RABEPK: variants seen among roughly 807,000 people sequenced by gnomAD.
RABEPK encodes the protein Rab9 effector protein with kelch motifs.
A neutral mutation model predicts 34.1 loss-of-function variants in RABEPK; 27 were observed. That is an observed-to-expected ratio of 0.79 (90% CI 0.58 to 1.09). The LOEUF is 1.09. RABEPK is among the 50% of genes least tolerant of loss of function. RABEPK has a pLI of 0.00. For synonymous variants in RABEPK, 172 were observed against 169.2 expected (o/e 1.02, Z -0.13); for missense variants, 449 against 462.6 (o/e 0.97, Z 0.27).
intron 4 of RABEPK, among the ~76,000 whole-genome samples, chr9:125,215,639 C>T (rs535581651): frequency 6.6e-6 from 1 of 152,084 alleles, no homozygotes; most frequent in African/African-American, 2.4e-5. Context: ...CTGTATCATA[C>T]TCCATTATAT....
At position 125,232,728 on chromosome 9, in the gene RABEPK, T is replaced by C. The variant is rs774273357; in HGVS notation, c.809T>C (p.Met270Thr). 3 of 1,613,754 alleles carry C rather than the reference T, an allele frequency of 1.9e-6. No homozygotes were observed. The highest frequency in any genetic ancestry group is 1.1e-5 in the South Asian group (1 of 90,966). The part of the protein sequence containing the change: ...GMTPAGALDT[M>T]YQYHTEEQHW... ...ACTCCTGCAGGAGCACTGGACACAA[T>C]GTACCAGTATCACACAGGTGAGCAG... The change falls in exon 7 of 8, where the codon ATG becomes ACG. Residue 270 changes from methionine to threonine, a missense_variant. By Grantham distance (81) the Met-to-Thr change is moderately conservative (BLOSUM62 -1). Coordinates refer to ENST00000373538, the MANE Select transcript of RABEPK (RefSeq NM_005833.4).
rs1266659256 is a variant in RABEPK, at chr9:125,233,844, C to A, written c.983C>A (p.Ser328Ter). Residue 328 changes from serine (S) to a stop codon, truncating the protein, a stop_gained, in exon 8 of 8, where the codon TCA becomes TAA. Coordinates refer to ENST00000373538, the MANE Select transcript of RABEPK (RefSeq NM_005833.4). LOFTEE classifies it high-confidence loss of function. ...AACCATGAAGCTGAGAAAGAGGATT[C>A]AGCTGACAAAGTAATGAGCCACAGT... ...TLNHEAEKED[S>*]ADKVMSHSGD... is the part of the protein sequence containing the mutation. 1.2e-6 allele frequency: 2 copies of A among 1,614,142 alleles called. No homozygotes were observed. Among genetic ancestry groups the A allele is most frequent in the Middle Eastern group, 1.6e-4 (1 of 6,062 alleles).
chr9:125,233,732 C>A lies in RABEPK; in HGVS notation c.871C>A (p.Pro291Thr), dbSNP rs374695052. The A allele has an allele frequency of 3.1e-6, 5 of 1,614,106 alleles. No individual in the cohort carries two copies. The highest frequency in any genetic ancestry group is 2.2e-5 in the East Asian group (1 of 44,876). Residue 291 changes from proline (P) to threonine (T), a missense_variant, in exon 8 of 8, where the codon CCT becomes ACT. Coordinates refer to ENST00000373538, the MANE Select transcript of RABEPK (RefSeq NM_005833.4). ...TLLKFDTLLP[P>T]GRLDHSMCII... ...GCTTAAATTTGATACTCTTCTACCC[C>A]CTGGACGATTGGACCATTCCATGTG...
At position 125,213,419 on chromosome 9, in the gene RABEPK, T is replaced by C. The variant is rs1237772748; in HGVS notation, c.261T>C (p.Tyr87=). 6.2e-7 allele frequency: 1 copy of C among 1,614,098 alleles called. No homozygotes were observed. Among genetic ancestry groups the C allele is most frequent in the South Asian group, 1.1e-5 (1 of 91,066 alleles). ...LDTCKGLLPR[Y]EHASFIPSCT... is the part of the protein sequence containing the mutation. ...CCTGCAAGGGCCTCTTGCCCCGGTA[T>C]GAACATGCTAGCTTCATTCCCTCCT... Residue 87 remains tyrosine, a synonymous_variant, in exon 4 of 8, where the codon TAT becomes TAC. Coordinates refer to ENST00000373538, the MANE Select transcript of RABEPK (RefSeq NM_005833.4).
intron 5 of RABEPK, 96 bp from the exon 6 acceptor site, chr9:125,227,814 T>C: frequency 8.0e-7 from 1 of 1,248,502 alleles, no homozygotes; most frequent in Non-Finnish European, 1.1e-6. Flanking sequence ...ATGGGACAGC[T>C]CCGCTTGCTA....
intron 1 of RABEPK, among the ~76,000 whole-genome samples, chr9:125,201,787 T>C (rs1012456719): frequency 4.0e-5 from 6 of 151,882 alleles, no homozygotes; most frequent in African/African-American, 1.4e-4. Flanking sequence ...CTAATTTTTT[T>C]TGTATTTTTA....
In RABEPK at chr9:125,231,929, C is replaced by T. The variant is rs537575096; in HGVS notation, c.677-667C>T. Among the ~76,000 whole-genome samples, 62 of 124,246 alleles carry T rather than the reference C, an allele frequency of 5.0e-4. 1 individual carries two copies. Among genetic ancestry groups the T allele is most frequent in the African/African-American group, 1.5e-3 (51 of 32,912 alleles). The allele number at this position is 124,246 out of a possible 152,430, so 81.5% of individuals were successfully genotyped here. ...TTTTTTTTTTTTTGAGACGGAGCTT[C>T]GCTCTTGTTGCCCAGGCTGGAGTGC... On this transcript the variant is annotated intron_variant, in intron 6 of 7. Coordinates refer to ENST00000373538, the MANE Select transcript of RABEPK (RefSeq NM_005833.4).
intron 4 of RABEPK, among the ~76,000 whole-genome samples, chr9:125,219,553 C>G (rs1244288952): frequency 2.7e-5 from 4 of 150,478 alleles, no homozygotes; most frequent in Non-Finnish European, 5.9e-5. Flanking sequence ...ACCACGACAC[C>G]TGGCTTTATT....
At position 125,212,280 on chromosome 9, in the gene RABEPK, C is replaced by T. The variant is rs192661698; in HGVS notation, c.212-1090C>T. 3.3e-5 allele frequency among the ~76,000 whole-genome samples: 5 copies of T among 152,194 alleles called. No individual in the cohort carries two copies. The South Asian group carries it at 8.3e-4, about 25-fold the overall frequency. On this transcript the variant is annotated intron_variant, in intron 3 of 7. Coordinates refer to ENST00000373538, the MANE Select transcript of RABEPK (RefSeq NM_005833.4). ...TCTTACTGTGTCACCCAGGCTGGAG[C>T]GCAATCTCAGCTCACTGCAAGCTCC... is the stretch of plus-strand genomic sequence containing the variant.
intron 5 of RABEPK, among the ~76,000 whole-genome samples, chr9:125,223,301 T>A (rs1831488378): frequency 6.6e-6 from 1 of 150,738 alleles, no homozygotes; most frequent in Non-Finnish European, 1.5e-5. Context: ...TAGCTGGACG[T>A]GGTGGCAGGT....
chr9:125,211,830 A>G (rs563360916), intron 3 of RABEPK, among the ~76,000 whole-genome samples: 12 of 152,308 alleles, frequency 7.9e-5, no homozygotes, highest in African/African-American at 2.2e-4. Flanking sequence ...TTAGCCAGGC[A>G]TAGTAGCTCA....
rs547953826 is a variant in RABEPK at position 125,211,757 on chromosome 9, C to T, written c.212-1613C>T. 1.7e-4 allele frequency among the ~76,000 whole-genome samples: 26 copies of T among 152,186 alleles called. No individual in the cohort carries two copies. The East Asian group carries it at 5.1e-3, about 30-fold the overall frequency. ...CCAAGGCGGGTGGGTCACTTGAGGT[C>T]AGGAGTTTGAGGCCAGCCCGGCCAA... On this transcript the variant is annotated intron_variant, in intron 3 of 7. Coordinates refer to ENST00000373538, the MANE Select transcript of RABEPK (RefSeq NM_005833.4).
chr9:125,210,057 A>C (rs555352070), intron 3 of RABEPK, among the ~76,000 whole-genome samples: 1 of 152,292 alleles, frequency 6.6e-6, no homozygotes, highest in East Asian at 1.9e-4. Context: ...GGCTTAGTAC[A>C]GAGTGGGTGC....
intron 6 of RABEPK, among the ~76,000 whole-genome samples, chr9:125,230,762 C>T (rs1832114229): frequency 6.6e-6 from 1 of 151,160 alleles, no homozygotes; most frequent in East Asian, 2.0e-4. Flanking sequence ...GTCTCAATCT[C>T]CTGACCTTGT....
In RABEPK at chr9:125,232,526, C is replaced by T. The variant is rs893451333; in HGVS notation, c.677-70C>T. On this transcript the variant is annotated intron_variant, in intron 6 of 7. Transcript: ENST00000373538. The stretch of plus-strand genomic sequence containing the variant: ...CTTTCAGTGATTGGTGTGCAAACTA[C>T]AGTAGATAGATAAGTTTGAAAGCAC... The T allele has an allele frequency of 7.7e-5, 116 of 1,502,704 alleles. 1 individual carries two copies. The highest frequency in any genetic ancestry group is 9.8e-5 in the Non-Finnish European group (109 of 1,110,332). The allele number at this position is 1,502,704 out of a possible 1,614,324, so 93.1% of individuals were successfully genotyped here.
At chr9:125,202,612 C>A (rs1829980579) in intron 1 of RABEPK, among the ~76,000 whole-genome samples, 1 of 152,060 alleles carries the variant, frequency 6.6e-6, no homozygotes, top group Non-Finnish European at 1.5e-5. Flanking sequence ...GGTGGATCAG[C>A]TGAGGTCAGG....
chr9:125,204,031 CAAAA>C (rs111335703), intron 2 of RABEPK, among the ~76,000 whole-genome samples: 3 of 82,180 alleles, frequency 3.7e-5, no homozygotes, highest in Non-Finnish European at 4.6e-5. Context: ...GAATCCGTTT[CAAAA>C]AAAAAAAAAA....
intron 2 of RABEPK, among the ~76,000 whole-genome samples, chr9:125,203,524 C>G (rs1258403556): frequency 6.6e-6 from 1 of 152,154 alleles, no homozygotes; most frequent in Non-Finnish European, 1.5e-5. Flanking sequence ...CTGGGGACTA[C>G]AGACTAAGCA....
chr9:125,204,928 AG>A (rs1830125252), intron 2 of RABEPK, among the ~76,000 whole-genome samples: 1 of 152,132 alleles, frequency 6.6e-6, no homozygotes, highest in South Asian at 2.1e-4. Context: ...CCTGGCCTCA[AG>A]TAACCTTCCC....
Sources: gnomAD v4.1 joint callset for allele counts (sites outside exome capture counted in the v4.1 genomes callset) on GRCh38, gnomAD v4.1.1 for gene constraint, MANE v1.5 for transcripts, NCBI Gene and HGNC (gene_info 2026-07-23, HGNC 2026-07-21) for gene names.